Variants in BMERB1 observed in about 807,000 individuals in gnomAD.
The protein encoded by BMERB1 is bMERB domain-containing protein 1.
BMERB1 carries 12 observed loss-of-function variants against 23.6 expected under a neutral mutation model. That is an observed-to-expected ratio of 0.51 (90% CI 0.33 to 0.82). BMERB1 has a LOEUF of 0.82. BMERB1 is among the 40% of genes least tolerant of loss of function. The probability of loss-of-function intolerance (pLI) is 0.03; values close to 1 mark genes in which losing one functional copy is unlikely to be tolerated. For synonymous variants in BMERB1, 122 were observed against 96.6 expected (o/e 1.26, Z -1.54); for missense variants, 247 against 255.4 (o/e 0.97, Z 0.22).
chr16:15,465,124 C>T (rs1457467573), intron 1 of BMERB1, among the ~76,000 whole-genome samples: 1 of 151,970 alleles, frequency 6.6e-6, no homozygotes, highest in East Asian at 1.9e-4. Flanking sequence ...CACACACATA[C>T]ACACACACAC....
rs959398631 is a variant in BMERB1 at position 15,587,548 on chromosome 16, G to T, written c.*719G>T. The T allele has an allele frequency of 4.4e-6, 2 of 453,210 alleles. No individual in the cohort carries two copies. Among genetic ancestry groups the T allele is most frequent in the Non-Finnish European group, 8.9e-6 (2 of 224,840 alleles). 28.1% of individuals were successfully genotyped at this position (453,210 alleles called of 1,614,324 possible). Reference sequence around the variant, plus strand: ...GCCTGGACTGGCATGGATCCAGTGTGCAGAAGAGCCAGCAGGGAACCGGAA... The same window carrying T: ...GCCTGGACTGGCATGGATCCAGTGTTCAGAAGAGCCAGCAGGGAACCGGAA... On this transcript the variant is annotated 3_prime_UTR_variant, in exon 6 of 6. Transcript: ENST00000300006.
rs796889318 is a variant in BMERB1 at position 15,435,957 on chromosome 16, T to G, written c.106+1198T>G. On this transcript the variant is annotated intron_variant, in intron 1 of 5. Transcript: ENST00000300006. ...TTTTCTCCCTTTTTAACCTTGGTCTTTCTTTCTAGTTCATCCTTTCAAGAC... is the reference window on the plus strand; with the variant it reads ...TTTTCTCCCTTTTTAACCTTGGTCTGTCTTTCTAGTTCATCCTTTCAAGAC... Among the ~76,000 whole-genome samples the G allele has an allele frequency of 2.8e-4, 43 of 152,242 alleles. 1 individual carries two copies. The highest frequency in any genetic ancestry group is 9.9e-4 in the African/African-American group (41 of 41,524).
intron 1 of BMERB1, among the ~76,000 whole-genome samples, chr16:15,444,239 C>T (rs1240916702): frequency 6.8e-6 from 1 of 147,640 alleles, no homozygotes; most frequent in African/African-American, 2.5e-5. Flanking sequence ...GAAGCCAGCA[C>T]AGGTAAAGGC....
intron 1 of BMERB1, among the ~76,000 whole-genome samples, chr16:15,440,338 A>G (rs2050929569): frequency 6.6e-6 from 1 of 152,032 alleles, no homozygotes. Flanking sequence ...TAGAGAGCTC[A>G]AACTGCAATC....
chr16:15,537,511 G>A (rs2052036611), intron 2 of BMERB1, among the ~76,000 whole-genome samples: 1 of 151,864 alleles, frequency 6.6e-6, no homozygotes, highest in East Asian at 1.9e-4. Flanking sequence ...CCGCCACCAT[G>A]CCTGGCTAAT....
chr16:15,472,817 C>G (rs936005231), intron 1 of BMERB1, among the ~76,000 whole-genome samples: 8 of 150,598 alleles, frequency 5.3e-5, no homozygotes, highest in Non-Finnish European at 7.4e-5. Flanking sequence ...CTTCTCTTTT[C>G]CTACTTTCCT....
At chr16:15,558,900 G>A (rs1024299810) in intron 2 of BMERB1, among the ~76,000 whole-genome samples, 4 of 151,634 alleles carry the variant, frequency 2.6e-5, no homozygotes, top group Admixed American at 6.6e-5. Flanking sequence ...GGGGAGAACC[G>A]AAGGCCCTAA....
chr16:15,505,715 C>A lies in BMERB1; in HGVS notation c.107-9590C>A, dbSNP rs529682274. Among the ~76,000 whole-genome samples, 3 of 151,706 alleles carry A rather than the reference C, an allele frequency of 2.0e-5. No individual in the cohort carries two copies. The East Asian group carries it at 5.8e-4, about 29-fold the overall frequency. On this transcript the variant is annotated intron_variant, in intron 1 of 5. Coordinates refer to ENST00000300006, the MANE Select transcript of BMERB1 (RefSeq NM_033201.3). ...CCATCCTGGCTAACATGGTGAAACC[C>A]GTCTCTACTAAAAGTACAAAAAATT...
intron 2 of BMERB1, among the ~76,000 whole-genome samples, chr16:15,560,626 T>C (rs1439536597): frequency 2.6e-5 from 4 of 151,832 alleles, no homozygotes; most frequent in Non-Finnish European, 5.9e-5. Context: ...ACCCCTTCTC[T>C]ACCAAAAATA....
intron 1 of BMERB1, among the ~76,000 whole-genome samples, chr16:15,448,791 C>A (rs797017120): frequency 8.6e-5 from 13 of 151,676 alleles, no homozygotes; most frequent in African/African-American, 3.1e-4. Flanking sequence ...GAATCTGTCT[C>A]AAAAAAAACT....
rs1180090455 is a variant in BMERB1, at chr16:15,463,269, A to ATATATATATATATATATATTTTTTTT, written c.106+28511_106+28512insATATATATATATATATATTTTTTTTT. Among the ~76,000 whole-genome samples, 20 of 148,638 alleles carry ATATATATATATATATATATTTTTTTT rather than the reference A, an allele frequency of 1.3e-4. 1 individual carries two copies. Among genetic ancestry groups the ATATATATATATATATATATTTTTTTT allele is most frequent in the African/African-American group, 5.0e-4 (19 of 38,274 alleles). On this transcript the variant is annotated intron_variant, in intron 1 of 5. Transcript: ENST00000300006. ...AATTAAATCAATTAAATATATATATATTTTGTAGAGGCGGGGATCTCACTA... is the reference window on the plus strand; with the variant it reads ...AATTAAATCAATTAAATATATATATATATATATATATATATATATTTTTTTTTTTTGTAGAGGCGGGGATCTCACTA...
At chr16:15,502,697 T>A (rs1407952413) in intron 1 of BMERB1, among the ~76,000 whole-genome samples, 1 of 152,114 alleles carries the variant, frequency 6.6e-6, no homozygotes, top group Non-Finnish European at 1.5e-5. Context: ...GGGGCGCAGA[T>A]CTATTCCCTT....
At chr16:15,574,431 T>C (rs1438179142) in intron 3 of BMERB1, among the ~76,000 whole-genome samples, 1 of 152,144 alleles carries the variant, frequency 6.6e-6, no homozygotes, top group African/African-American at 2.4e-5. Flanking sequence ...AAGGCTGTTA[T>C]CGTCTTTGTT....
At chr16:15,549,994 G>A (rs146346310) in intron 2 of BMERB1, among the ~76,000 whole-genome samples, 1,781 of 151,468 alleles carry the variant, frequency 0.012, 36 homozygotes, top group African/African-American at 0.041. Context: ...CTGTCGCCCA[G>A]GCTGGAGTGC....
Position 15,446,483 on chromosome 16 carries a change from G to A in BMERB1, c.106+11724G>A, listed in dbSNP as rs137966729. 4.6e-5 allele frequency among the ~76,000 whole-genome samples: 7 copies of A among 152,236 alleles called. No homozygotes were observed. The South Asian group carries it at 6.2e-4, about 14-fold the overall frequency. On this transcript the variant is annotated intron_variant, in intron 1 of 5. Transcript: ENST00000300006. Reference sequence around the variant, plus strand: ...TGTGCATGTTTTACATGCATCCTCCGCTCCTTACAAAACGTTCTGTGAGAT... The same window carrying A: ...TGTGCATGTTTTACATGCATCCTCCACTCCTTACAAAACGTTCTGTGAGAT...
chr16:15,507,129 A>T (rs1567473575), intron 1 of BMERB1, among the ~76,000 whole-genome samples: 1 of 152,184 alleles, frequency 6.6e-6, no homozygotes, highest in Non-Finnish European at 1.5e-5. Flanking sequence ...TTAAATTCCT[A>T]CCATGACCCC....
intron 1 of BMERB1, among the ~76,000 whole-genome samples, chr16:15,492,448 A>C (rs2150939543): frequency 6.6e-6 from 1 of 152,272 alleles, no homozygotes. Flanking sequence ...TCAAGGAAGC[A>C]CTCATAACTC....
intron 1 of BMERB1, among the ~76,000 whole-genome samples, chr16:15,441,814 G>T (rs1025566143): frequency 1.3e-5 from 2 of 152,134 alleles, no homozygotes; most frequent in African/African-American, 4.8e-5. Context: ...GAGCCACTGC[G>T]CCCAGCCTGG....
At chr16:15,516,969 T>G (rs560950613) in intron 2 of BMERB1, among the ~76,000 whole-genome samples, 3 of 152,320 alleles carry the variant, frequency 2.0e-5, no homozygotes, top group African/African-American at 7.2e-5. Flanking sequence ...GGACGTTATA[T>G]GACCTTCCCT....
Sources: allele counts gnomAD v4.1 joint callset (sites outside exome capture counted in the v4.1 genomes callset), GRCh38; gene constraint gnomAD v4.1.1; transcripts MANE v1.5; gene names NCBI Gene and HGNC (gene_info 2026-07-23, HGNC 2026-07-21).